The following ATP6V1H variants were observed in gnomAD, a reference collection of about 807,000 sequenced individuals.
ATP6V1H encodes the protein ATPase H+ transporting V1 subunit H.
ATP6V1H carries 39 observed loss-of-function variants against 71.7 expected under a neutral mutation model. The ratio of observed to expected loss-of-function variants is 0.54; its 90% CI spans 0.42 to 0.71. The LOEUF (loss-of-function observed/expected upper bound fraction) is 0.71, where lower values mean the gene tolerates loss of function less well. Among genes scored for constraint, ATP6V1H ranks in the 30% least tolerant of loss-of-function variants. The pLI, the probability that ATP6V1H is intolerant of heterozygous loss-of-function variation, is 0.00. For missense variants in ATP6V1H, 509 were observed against 594.9 expected (o/e 0.86, Z 1.50); for synonymous variants, 192 against 199.3 (o/e 0.96, Z 0.31).
At chr8:53,749,516 G>C (rs1046204572) in intron 12 of ATP6V1H, among the ~76,000 whole-genome samples, 1 of 152,116 alleles carries the variant, frequency 6.6e-6, no homozygotes, top group African/African-American at 2.4e-5. Flanking sequence ...CCTCCTCATG[G>C]AGCTGGCTAT....
intron 13 of ATP6V1H, among the ~76,000 whole-genome samples, chr8:53,729,895 A>G (rs1051097686): frequency 3.3e-5 from 5 of 152,194 alleles, no homozygotes; most frequent in Non-Finnish European, 7.4e-5. Flanking sequence ...AGGAGAGACA[A>G]CTGGCCAATG....
intron 11 of ATP6V1H, among the ~76,000 whole-genome samples, chr8:53,768,381 C>T (rs192444826): frequency 2.0e-5 from 3 of 152,176 alleles, no homozygotes; most frequent in Admixed American, 2.0e-4. Flanking sequence ...CTGGCAGTTC[C>T]TCAAATGGTT....
chr8:53,805,049 A>G (rs548459029), intron 7 of ATP6V1H, among the ~76,000 whole-genome samples: 2 of 152,376 alleles, frequency 1.3e-5, no homozygotes, highest in South Asian at 4.1e-4. Context: ...AGTATGCAAT[A>G]AACGAAACAT....
At chr8:53,840,938 T>C (rs762152379) in intron 2 of ATP6V1H, among the ~76,000 whole-genome samples, 2 of 152,174 alleles carry the variant, frequency 1.3e-5, no homozygotes, top group African/African-American at 2.4e-5. Context: ...GCACATTAAA[T>C]ATTAATACAT....
At chr8:53,802,327 A>G (rs754224597) in intron 7 of ATP6V1H, among the ~76,000 whole-genome samples, 4 of 152,236 alleles carry the variant, frequency 2.6e-5, no homozygotes, top group Non-Finnish European at 5.9e-5. Flanking sequence ...CCTATATGTA[A>G]ATGACCGTGG....
Position 53,839,661 on chromosome 8 carries a change from C to T in ATP6V1H, c.113+1917G>A, listed in dbSNP as rs1037681580. 8.1e-6 allele frequency: 8 copies of T among 985,282 alleles called. No individual in the cohort carries two copies. In the Admixed American group the frequency reaches 3.1e-4, roughly 38 times the overall value. The allele number at this position is 985,282 out of a possible 1,614,324, so 61.0% of individuals were successfully genotyped here. On this transcript the variant is annotated intron_variant, in intron 2 of 13. Transcript: ENST00000359530. ...CTAGTAGAACAATTCAATCAAGAGG[C>T]AGATATGGTCTTCTAACTCCCGGCT...
At chr8:53,778,305 C>G (rs1196201990) in intron 9 of ATP6V1H, among the ~76,000 whole-genome samples, 4 of 152,044 alleles carry the variant, frequency 2.6e-5, no homozygotes, top group Non-Finnish European at 5.9e-5. Context: ...GGATGCCCAC[C>G]ACTTTAAACA....
At chr8:53,731,562 T>C (rs956772178) in intron 13 of ATP6V1H, among the ~76,000 whole-genome samples, 5 of 152,188 alleles carry the variant, frequency 3.3e-5, no homozygotes, top group Admixed American at 6.5e-5. Flanking sequence ...GCTTGCTCAA[T>C]TGATCATGAC....
intron 9 of ATP6V1H, among the ~76,000 whole-genome samples, chr8:53,789,279 G>A (rs1809488099): frequency 6.6e-6 from 1 of 152,122 alleles, no homozygotes; most frequent in Non-Finnish European, 1.5e-5. Flanking sequence ...ACTAAGTGGG[G>A]ACAAAAAAGT....
chr8:53,717,141 C>T (rs1276592093), intron 13 of ATP6V1H, among the ~76,000 whole-genome samples: 1 of 152,214 alleles, frequency 6.6e-6, no homozygotes, highest in Non-Finnish European at 1.5e-5. Flanking sequence ...CCGATGTACA[C>T]AGGTAAATAT....
chr8:53,822,711 G>T lies in ATP6V1H; in HGVS notation c.307-5181C>A, dbSNP rs558880109. Reference sequence around the variant, plus strand: ...TTTAATTCACCTATTAAAAAAAGGGGTTTCAACTCACAAACAAGACCCGAA... The same window carrying T: ...TTTAATTCACCTATTAAAAAAAGGGTTTTCAACTCACAAACAAGACCCGAA... On this transcript the variant is annotated intron_variant, in intron 4 of 13. Coordinates refer to ENST00000359530, the MANE Select transcript of ATP6V1H (RefSeq NM_015941.4). Among the ~76,000 whole-genome samples, 345 of 151,992 alleles carry T rather than the reference G, an allele frequency of 2.3e-3. 2 individuals are homozygous for T. The highest frequency in any genetic ancestry group is 7.9e-3 in the African/African-American group (328 of 41,486).
chr8:53,795,619 T>A (rs772532302), intron 9 of ATP6V1H, 28 bp downstream of exon 9: 1 of 1,603,028 alleles, frequency 6.2e-7, no homozygotes, highest in African/African-American at 1.3e-5. Context: ...ATGCCTCACA[T>A]ACACACAAAC....
chr8:53,756,597 T>C lies in ATP6V1H; in HGVS notation c.1235A>G (p.His412Arg). 6.2e-7 allele frequency: 1 copy of C among 1,614,148 alleles called. No homozygotes were observed. The highest frequency in any genetic ancestry group is 2.2e-5 in the East Asian group (1 of 44,886). Reference protein sequence around the residue: ...DDPQVLAVAAHDVGEYVRHYP... With the variant: ...DDPQVLAVAARDVGEYVRHYP... ...ATGCCGCACATATTCTCCAACATCG[T>C]GAGCAGCAACAGCTAAGACTTGGGG... The change falls in exon 12 of 14, where the codon CAC becomes CGC. Residue 412 changes from histidine (H) to arginine (R), a missense_variant. Physicochemically the swap from His to Arg is conservative, Grantham distance 29. Coordinates refer to ENST00000359530, the MANE Select transcript of ATP6V1H (RefSeq NM_015941.4).
intron 12 of ATP6V1H, among the ~76,000 whole-genome samples, chr8:53,751,220 T>G (rs953472480): frequency 3.3e-5 from 5 of 152,218 alleles, no homozygotes; most frequent in Non-Finnish European, 7.4e-5. Flanking sequence ...AGTGCTGAGG[T>G]AGACTTCCAT....
chr8:53,723,642 G>C (rs1236310297), intron 13 of ATP6V1H, among the ~76,000 whole-genome samples: 1 of 152,134 alleles, frequency 6.6e-6, no homozygotes, highest in African/African-American at 2.4e-5. Flanking sequence ...TGCTGGGTGA[G>C]GATCTCCCTA....
At chr8:53,810,822 T>C (rs562192084) in intron 7 of ATP6V1H, among the ~76,000 whole-genome samples, 1 of 152,324 alleles carries the variant, frequency 6.6e-6, no homozygotes, top group Admixed American at 6.5e-5. Flanking sequence ...AGACAGATAT[T>C]AGACAGTTTA....
intron 9 of ATP6V1H, among the ~76,000 whole-genome samples, chr8:53,775,709 G>C (rs1268486798): frequency 6.6e-6 from 1 of 152,178 alleles, no homozygotes; most frequent in Non-Finnish European, 1.5e-5. Context: ...GCTAGATACA[G>C]AGTGTCGATT....
At chr8:53,732,211 C>T (rs1807048832) in intron 13 of ATP6V1H, among the ~76,000 whole-genome samples, 1 of 151,984 alleles carries the variant, frequency 6.6e-6, no homozygotes, top group South Asian at 2.1e-4. Flanking sequence ...GACCTTTTAC[C>T]CTTTCCTTCT....
In ATP6V1H at chr8:53,717,594, C is replaced by T. The variant is rs73682546; in HGVS notation, c.1392-1570G>A. Among the ~76,000 whole-genome samples the T allele has an allele frequency of 2.7e-3, 404 of 152,258 alleles. 1 individual carries two copies. Among genetic ancestry groups the T allele is most frequent in the African/African-American group, 9.1e-3 (378 of 41,536 alleles). ...TATTTCCAACCAGAAGTTAAGTTCA[C>T]GCAAAGGCTGAAAGGGAAGCCATCC... On this transcript the variant is annotated intron_variant, in intron 13 of 13. Coordinates refer to ENST00000359530, the MANE Select transcript of ATP6V1H (RefSeq NM_015941.4).
Sources: allele counts gnomAD v4.1 joint callset (sites outside exome capture counted in the v4.1 genomes callset), GRCh38; gene constraint gnomAD v4.1.1; transcripts MANE v1.5; gene names NCBI Gene and HGNC (gene_info 2026-07-23, HGNC 2026-07-21).